Variants in TMEM164 observed in about 807,000 individuals in gnomAD.
TMEM164 encodes the protein RP13-360B22.2.
In TMEM164, 4 loss-of-function variants were observed where a neutral mutation model predicts 18.8. The ratio of observed to expected loss-of-function variants is 0.21; its 90% CI spans 0.10 to 0.49. TMEM164 has a LOEUF of 0.49. Among genes scored for constraint, TMEM164 ranks in the 20% least tolerant of loss-of-function variants. TMEM164 has a pLI of 0.98. For synonymous variants in TMEM164, 86 were observed against 101.7 expected (o/e 0.85, Z 0.93); for missense variants, 108 against 239.9 (o/e 0.45, Z 3.63).
intron 2 of TMEM164, among the ~76,000 whole-genome samples, chrX:110,007,294 G>A (rs979414723): frequency 2.7e-5 from 3 of 111,996 alleles, no homozygotes; most frequent in East Asian, 2.8e-4. Flanking sequence ...TTTCTCAAAC[G>A]TGTCCTGGGA....
chrX:110,038,747 A>G (rs1934961720), intron 2 of TMEM164, among the ~76,000 whole-genome samples: 1 of 107,845 alleles, frequency 9.3e-6, no homozygotes, highest in South Asian at 4.3e-4. Context: ...TTGAGAGACA[A>G]CTAGGTAACT....
chrX:110,100,557 C>G (rs1022776176), intron 3 of TMEM164, among the ~76,000 whole-genome samples: 2 of 110,576 alleles, frequency 1.8e-5, no homozygotes, highest in African/African-American at 6.6e-5. Context: ...AGAAAACGCA[C>G]TTGGTCATAG....
At position 110,173,250 on chromosome X, in the gene TMEM164, C is replaced by T. The variant is rs931688993; in HGVS notation, c.693C>T (p.Thr231=). Residue 231 remains threonine (T), a synonymous_variant, in exon 7 of 7, where the codon ACC becomes ACT. Coordinates refer to ENST00000372068, the MANE Select transcript of TMEM164 (RefSeq NM_032227.4). The part of the protein sequence containing the change: ...FSVLQILGLV[T]EVNLNNMLCP... Reference sequence around the variant, plus strand: ...TACCTCCCTTGTCCCTGCAGGTCACCGAAGTGAATTTGAACAACATGCTGT... The same window carrying T: ...TACCTCCCTTGTCCCTGCAGGTCACTGAAGTGAATTTGAACAACATGCTGT... The T allele has an allele frequency of 8.3e-7, 1 of 1,210,725 alleles. No individual in the cohort carries two copies. The highest frequency in any genetic ancestry group is 1.1e-6 in the Non-Finnish European group (1 of 895,226).
In TMEM164 at chrX:110,139,963, C is replaced by T. The variant is rs2066745478; in HGVS notation, c.508-4835C>T. 3.6e-5 allele frequency among the ~76,000 whole-genome samples: 4 copies of T among 111,367 alleles called. No homozygotes were observed. The South Asian group carries it at 1.5e-3, about 42-fold the overall frequency. ...GAGAGATCACAGCCATTAACAGTAA[C>T]TGGTGTGACCATGTGAAAAAGGTGT... On this transcript the variant is annotated intron_variant, in intron 4 of 6. Coordinates refer to ENST00000372068, the MANE Select transcript of TMEM164 (RefSeq NM_032227.4).
intron 2 of TMEM164, among the ~76,000 whole-genome samples, chrX:110,061,582 T>C (rs1282778469): frequency 2.7e-5 from 3 of 112,257 alleles, no homozygotes; most frequent in African/African-American, 9.7e-5. Flanking sequence ...CCTCAGTGGT[T>C]GGTCAACCCC....
intron 4 of TMEM164, among the ~76,000 whole-genome samples, chrX:110,126,810 CTGTGTGTGTGTGTGTGTGTGTGTGTGTG>C (rs4035483): frequency 5.2e-4 from 36 of 69,580 alleles, no homozygotes; most frequent in African/African-American, 1.6e-3. Flanking sequence ...TGGGCCACTC[CTGTGTGTGTGTGTGTGTGTGTGTGTGTG>C]TGTGTGTGTG....
intron 2 of TMEM164, among the ~76,000 whole-genome samples, chrX:110,012,268 A>G (rs906918224): frequency 1.8e-5 from 2 of 111,612 alleles, no homozygotes; most frequent in Non-Finnish European, 3.8e-5. Flanking sequence ...CCCTGTTTCC[A>G]AGTCTGTCCA....
rs771972099 is a variant in TMEM164, at chrX:110,113,534, T to A, written c.507+4388T>A. Among the ~76,000 whole-genome samples, 8 of 112,436 alleles carry A rather than the reference T, an allele frequency of 7.1e-5. No homozygotes were observed. In the South Asian group the frequency reaches 2.9e-3, roughly 41 times the overall value. ...TGGCCCTTTATCTTTTTAATTATTT[T>A]ATTTTTTTGCTCATTAGCAGTAATG... On this transcript the variant is annotated intron_variant, in intron 4 of 6. Coordinates refer to ENST00000372068, the MANE Select transcript of TMEM164 (RefSeq NM_032227.4).
At chrX:110,146,969 C>T (rs768617267) in intron 5 of TMEM164, among the ~76,000 whole-genome samples, 1 of 112,152 alleles carries the variant, frequency 8.9e-6, no homozygotes, top group Admixed American at 9.4e-5. Flanking sequence ...CAATTTTTAC[C>T]CAGTACAAGA....
intron 3 of TMEM164, among the ~76,000 whole-genome samples, chrX:110,090,911 A>G (rs996466898): frequency 6.7e-5 from 7 of 104,691 alleles, no homozygotes; most frequent in Non-Finnish European, 1.4e-4. Context: ...CCTGTGTCCA[A>G]GTGTTCTCAT....
At chrX:110,100,504 A>G (rs1231070924) in intron 3 of TMEM164, among the ~76,000 whole-genome samples, 1 of 111,680 alleles carries the variant, frequency 9.0e-6, no homozygotes, top group East Asian at 2.8e-4. Flanking sequence ...GGTGAATTAT[A>G]TTAATTGAAT....
At chrX:110,030,106 CTGTTT>C (rs1934392780) in intron 2 of TMEM164, among the ~76,000 whole-genome samples, 1 of 67,439 alleles carries the variant, frequency 1.5e-5, no homozygotes, top group African/African-American at 5.6e-5. Context: ...TTTTCTCTGT[CTGTTT>C]TTTTTTTTTT....
At chrX:110,035,644 C>T (rs1221990587) in intron 2 of TMEM164, among the ~76,000 whole-genome samples, 3 of 110,740 alleles carry the variant, frequency 2.7e-5, no homozygotes, top group Non-Finnish European at 5.7e-5. Context: ...GCTGGGACTA[C>T]AGGCTACCAT....
Position 110,069,570 on chromosome X carries a change from C to CT in TMEM164, c.440+2190dup, listed in dbSNP as rs72102436. On this transcript the variant is annotated intron_variant, in intron 3 of 6. Coordinates refer to ENST00000372068, the MANE Select transcript of TMEM164 (RefSeq NM_032227.4). ...CCTTTCCCAAATATGTTTATATTGA[C>CT]TTTTTTTTTTTTTTTTAATTATTTT... 6.3e-3 allele frequency among the ~76,000 whole-genome samples: 579 copies of CT among 91,430 alleles called. 3 individuals carry two copies. Among genetic ancestry groups the CT allele is most frequent in the South Asian group, 0.043 (83 of 1,926 alleles). 79.4% of individuals were successfully genotyped at this position (91,430 alleles called of 115,157 possible).
chrX:110,087,422 G>A (rs1157613666), intron 3 of TMEM164, among the ~76,000 whole-genome samples: 1 of 111,692 alleles, frequency 9.0e-6, no homozygotes, highest in Non-Finnish European at 1.9e-5. Flanking sequence ...GTGCAGTGGC[G>A]TGATCATGGC....
intron 2 of TMEM164, among the ~76,000 whole-genome samples, chrX:110,061,626 A>G (rs1478830300): frequency 8.9e-6 from 1 of 112,098 alleles, no homozygotes; most frequent in Admixed American, 9.5e-5. Flanking sequence ...AGCAGGTTAC[A>G]ATCTGGTCTT....
intron 2 of TMEM164, among the ~76,000 whole-genome samples, chrX:110,011,589 A>C (rs1013601950): frequency 8.9e-6 from 1 of 112,282 alleles, no homozygotes; most frequent in East Asian, 2.8e-4. Context: ...TTTAATATCT[A>C]TTCACTTACC....
intron 1 of TMEM164, 75 bp from the exon 2 acceptor site, chrX:110,003,426 C>CT (rs1602453493): frequency 5.6e-6 from 1 of 179,859 alleles, no homozygotes; most frequent in Non-Finnish European, 1.0e-5. Context: ...CTAGTTACCC[C>CT]TCCCGCTTCC....
intron 4 of TMEM164, among the ~76,000 whole-genome samples, chrX:110,133,156 G>GT (rs57178811): frequency 0.029 from 3,174 of 110,646 alleles, 116 homozygotes; most frequent in African/African-American, 0.099. Flanking sequence ...CTTCTTTATT[G>GT]TTTTTTTCTT....
Sources: allele counts gnomAD v4.1 joint callset (sites outside exome capture counted in the v4.1 genomes callset), GRCh38; gene constraint gnomAD v4.1.1; transcripts MANE v1.5; gene names NCBI Gene and HGNC (gene_info 2026-07-23, HGNC 2026-07-21).